The following ZNF536 variants were observed in gnomAD, a reference collection of about 807,000 sequenced individuals.
ZNF536 encodes the protein zinc finger protein 536.
Under a neutral mutation model 84.5 loss-of-function variants are expected in ZNF536, and 13 were observed. The ratio of observed to expected loss-of-function variants is 0.15; its 90% CI spans 0.10 to 0.24. ZNF536 has a LOEUF of 0.24. Ranked by LOEUF, ZNF536 falls within the 10% of genes least tolerant of loss-of-function variation. The pLI is 1.00. For synonymous variants in ZNF536, 811 were observed against 742.5 expected (o/e 1.09, Z -1.50); for missense variants, 1,536 against 1,747.5 (o/e 0.88, Z 2.16).
intron 2 of ZNF536, among the ~76,000 whole-genome samples, chr19:30,525,351 C>T (rs530063909): frequency 6.6e-6 from 1 of 152,360 alleles, no homozygotes; most frequent in East Asian, 1.9e-4. Context: ...ACCAGCTGCT[C>T]AAAGTAGCTT....
intron 2 of ZNF536, among the ~76,000 whole-genome samples, chr19:30,520,399 G>C (rs2044272647): frequency 6.6e-6 from 1 of 152,090 alleles, no homozygotes; most frequent in African/African-American, 2.4e-5. Flanking sequence ...GATGTTGAGA[G>C]ACCAATGGGA....
chr19:30,568,521 C>A (rs1202531313), intron 1 of ZNF536, among the ~76,000 whole-genome samples: 1 of 152,058 alleles, frequency 6.6e-6, no homozygotes, highest in African/African-American at 2.4e-5. Flanking sequence ...TAGAAATAGT[C>A]ATTTGTTTTA....
At chr19:30,631,817 A>G (rs2048898348) in intron 1 of ZNF536, among the ~76,000 whole-genome samples, 1 of 152,186 alleles carries the variant, frequency 6.6e-6, no homozygotes, top group Non-Finnish European at 1.5e-5. Flanking sequence ...CTTCAGCTTT[A>G]ATAAGCACCC....
chr19:30,509,537 T>C (rs1320068663), intron 2 of ZNF536, among the ~76,000 whole-genome samples: 1 of 149,402 alleles, frequency 6.7e-6, no homozygotes, highest in Admixed American at 6.7e-5. Context: ...TAGTAACATA[T>C]ATTTATATAT....
chr19:30,584,177 A>G (rs933323911), intron 1 of ZNF536, among the ~76,000 whole-genome samples: 1 of 152,006 alleles, frequency 6.6e-6, no homozygotes, highest in African/African-American at 2.4e-5. Flanking sequence ...TTCCAGGCCC[A>G]TGTTAAGCCT....
intron 2 of ZNF536, among the ~76,000 whole-genome samples, chr19:30,343,602 G>A (rs1034378076): frequency 1.3e-5 from 2 of 152,136 alleles, no homozygotes; most frequent in African/African-American, 2.4e-5. Context: ...TGACATCCAC[G>A]CAGTGAAATT....
intron 1 of ZNF536, among the ~76,000 whole-genome samples, chr19:30,254,496 A>T (rs937491746): frequency 6.6e-6 from 1 of 150,588 alleles, no homozygotes; most frequent in Non-Finnish European, 1.5e-5. Context: ...TTAGAGATAC[A>T]GTTGGCATTG....
At chr19:30,325,693 C>T (rs147341201) in intron 2 of ZNF536, among the ~76,000 whole-genome samples, 2 of 152,180 alleles carry the variant, frequency 1.3e-5, no homozygotes, top group Non-Finnish European at 2.9e-5. Context: ...TCTGGCATTG[C>T]GCATGGTGTC....
chr19:30,488,042 C>T (rs540277756), intron 2 of ZNF536, among the ~76,000 whole-genome samples: 1 of 152,050 alleles, frequency 6.6e-6, no homozygotes, highest in Non-Finnish European at 1.5e-5. Flanking sequence ...GGGCTTCTGC[C>T]GGCCGCCACA....
intron 2 of ZNF536, among the ~76,000 whole-genome samples, chr19:30,513,696 G>A (rs1407880891): frequency 1.3e-5 from 2 of 152,092 alleles, no homozygotes; most frequent in Admixed American, 1.3e-4. Context: ...TAGAGTTGAA[G>A]GGTGGATGGA....
chr19:30,636,357 C>T (rs1438419149), intron 1 of ZNF536, among the ~76,000 whole-genome samples: 1 of 152,142 alleles, frequency 6.6e-6, no homozygotes, highest in Non-Finnish European at 1.5e-5. Context: ...GGACCGGATG[C>T]GTGTCCTGGC....
intron 2 of ZNF536, among the ~76,000 whole-genome samples, chr19:30,308,967 C>T (rs2046419273): frequency 6.6e-6 from 1 of 152,084 alleles, no homozygotes; most frequent in Non-Finnish European, 1.5e-5. Context: ...TGTCCCCTGC[C>T]CAACTTAACC....
chr19:30,407,416 C>A (rs182301490), intron 1 of ZNF536, among the ~76,000 whole-genome samples: 89 of 152,218 alleles, frequency 5.8e-4, no homozygotes, highest in African/African-American at 2.0e-3. Flanking sequence ...GGGGGGCTCC[C>A]CACACACCCA....
At chr19:30,633,382 A>G (rs2048957382) in intron 1 of ZNF536, among the ~76,000 whole-genome samples, 1 of 152,256 alleles carries the variant, frequency 6.6e-6, no homozygotes, top group Admixed American at 6.5e-5. Context: ...TGATTAACAT[A>G]TCCCATCACC....
At chr19:30,303,043 G>T (rs531296204) in intron 2 of ZNF536, among the ~76,000 whole-genome samples, 2 of 152,346 alleles carry the variant, frequency 1.3e-5, no homozygotes, top group East Asian at 3.9e-4. Context: ...AGACAGGGGT[G>T]CTCAAAGCAT....
chr19:30,321,385 CGTCTCTACTGAAAATAT>C (rs998066391), intron 2 of ZNF536, among the ~76,000 whole-genome samples: 1 of 152,056 alleles, frequency 6.6e-6, no homozygotes, highest in African/African-American at 2.4e-5. Flanking sequence ...GTTGAAACCC[CGTCTCTACTGAAAATAT>C]GAAAAATTAG....
intron 1 of ZNF536, among the ~76,000 whole-genome samples, chr19:30,229,575 G>GGGT (rs1555770115): frequency 6.6e-6 from 1 of 152,122 alleles, no homozygotes; most frequent in African/African-American, 2.4e-5. Context: ...GGGTGGTGGG[G>GGGT]GGGGCTCAGC....
chr19:30,426,172 C>T (rs915396446), intron 1 of ZNF536, among the ~76,000 whole-genome samples: 5 of 152,200 alleles, frequency 3.3e-5, no homozygotes, highest in African/African-American at 1.2e-4. Context: ...TTATGAAAAG[C>T]TTGAGTTACA....
chr19:30,268,533 G>T (rs1053810569), intron 1 of ZNF536, among the ~76,000 whole-genome samples: 1 of 152,154 alleles, frequency 6.6e-6, no homozygotes, highest in African/African-American at 2.4e-5. Flanking sequence ...CCTGACATTT[G>T]TGTAGGGTGA....
Sources: gnomAD v4.1 joint callset for allele counts (sites outside exome capture counted in the v4.1 genomes callset) on GRCh38, gnomAD v4.1.1 for gene constraint, MANE v1.5 for transcripts, NCBI Gene and HGNC (gene_info 2026-07-23, HGNC 2026-07-21) for gene names.